Variants in NT5E observed in about 807,000 individuals in gnomAD.
The protein encoded by NT5E is 5'-nucleotidase ecto.
A neutral mutation model predicts 55.1 loss-of-function variants in NT5E; 53 were observed. The observed-to-expected ratio is 0.96, with a 90% confidence interval of 0.77 to 1.21. The LOEUF is 1.21. Ranked by LOEUF, NT5E falls within the 50% of genes most tolerant of loss-of-function variation. The pLI is 0.00. For missense variants in NT5E, 683 were observed against 724.3 expected (o/e 0.94, Z 0.65); for synonymous variants, 270 against 278.4 (o/e 0.97, Z 0.30).
chr6:85,468,371 C>T (rs1195906668), intron 2 of NT5E, among the ~76,000 whole-genome samples: 1 of 152,162 alleles, frequency 6.6e-6, no homozygotes, highest in African/African-American at 2.4e-5. Context: ...CCCAACCCCA[C>T]CCTGGGGTCA....
At chr6:85,484,619 G>C (rs542548624) in intron 3 of NT5E, among the ~76,000 whole-genome samples, 9 of 152,254 alleles carry the variant, frequency 5.9e-5, no homozygotes, top group Non-Finnish European at 5.9e-5. Flanking sequence ...AGCAGCAAAC[G>C]CCAAGAACAG....
At chr6:85,475,661 G>A (rs1386954482) in intron 3 of NT5E, among the ~76,000 whole-genome samples, 2 of 152,170 alleles carry the variant, frequency 1.3e-5, no homozygotes, top group Non-Finnish European at 2.9e-5. Context: ...TACAACAGGG[G>A]ACTCTATTCT....
chr6:85,462,194 C>G (rs1769111273), intron 1 of NT5E, among the ~76,000 whole-genome samples: 1 of 152,064 alleles, frequency 6.6e-6, no homozygotes, highest in African/African-American at 2.4e-5. Context: ...CTGCCAGTCT[C>G]TTCACCACCA....
intron 7 of NT5E, 108 bp downstream of exon 7, chr6:85,490,765 A>AT: frequency 7.8e-7 from 1 of 1,274,432 alleles, no homozygotes; most frequent in Non-Finnish European, 1.1e-6. Context: ...ACTGGTTTGG[A>AT]TTTTTCCCGA....
chr6:85,488,572 T>A (rs182615822), intron 5 of NT5E, among the ~76,000 whole-genome samples: 25 of 152,044 alleles, frequency 1.6e-4, no homozygotes, highest in East Asian at 1.2e-3. Context: ...TATTTATTTA[T>A]TTAATTAATT....
chr6:85,493,808 T>A, intron 8 of NT5E, 33 bp from the exon 9 acceptor site: 1 of 1,574,000 alleles, frequency 6.4e-7, no homozygotes, highest in South Asian at 1.1e-5. Context: ...AATTACCTTT[T>A]CTGTAGTTAA....
At chr6:85,490,696 G>A in intron 7 of NT5E, 39 bp downstream of exon 7, 1 of 1,611,264 alleles carries the variant, frequency 6.2e-7, no homozygotes, top group Non-Finnish European at 8.5e-7. Flanking sequence ...CATCCAAAGT[G>A]ACATGGCATT....
At chr6:85,491,085 G>A (rs1769771768) in intron 7 of NT5E, 2 of 530,216 alleles carry the variant, frequency 3.8e-6, no homozygotes, top group Non-Finnish European at 7.7e-6. Flanking sequence ...TTCCTGGAAG[G>A]AGCAGCCTAC....
chr6:85,467,902 C>T (rs1333432099), intron 2 of NT5E, among the ~76,000 whole-genome samples: 1 of 151,486 alleles, frequency 6.6e-6, no homozygotes, highest in Non-Finnish European at 1.5e-5. Context: ...ACATATATGA[C>T]ACATATACAT....
chr6:85,469,214 G>C (rs1345910988), intron 2 of NT5E, among the ~76,000 whole-genome samples: 1 of 152,124 alleles, frequency 6.6e-6, no homozygotes, highest in Non-Finnish European at 1.5e-5. Context: ...TGTATATATG[G>C]GATGCCTGGT....
intron 5 of NT5E, among the ~76,000 whole-genome samples, chr6:85,488,767 G>T (rs886363385): frequency 6.6e-6 from 1 of 151,676 alleles, no homozygotes; most frequent in Non-Finnish European, 1.5e-5. Flanking sequence ...CTTTAGTAGA[G>T]ACGGGGTTTC....
chr6:85,471,711 T>C (rs1232833771), intron 3 of NT5E: 1 of 158,300 alleles, frequency 6.3e-6, no homozygotes, highest in African/African-American at 2.4e-5. Context: ...ACCATACATA[T>C]GAAAAACAAA....
At chr6:85,490,727 TC>T in intron 7 of NT5E, 70 bp downstream of exon 7, 1 of 1,567,768 alleles carries the variant, frequency 6.4e-7, no homozygotes, top group Non-Finnish European at 8.7e-7. Flanking sequence ...TGGCTCAGCT[TC>T]CCCTTCACCA....
intron 2 of NT5E, among the ~76,000 whole-genome samples, chr6:85,468,496 G>A (rs1412773412): frequency 6.6e-6 from 1 of 152,230 alleles, no homozygotes; most frequent in African/African-American, 2.4e-5. Flanking sequence ...CAGGCTCCAT[G>A]AGGACAGAAA....
chr6:85,467,325 C>A, intron 2 of NT5E, 43 bp downstream of exon 2: 4 of 1,480,104 alleles, frequency 2.7e-6, no homozygotes, highest in African/African-American at 2.8e-5. Context: ...AAAATAGATG[C>A]CCTAAATCAC....
chr6:85,455,490 A>G (rs1768969773), intron 1 of NT5E, among the ~76,000 whole-genome samples: 1 of 152,258 alleles, frequency 6.6e-6, no homozygotes, highest in African/African-American at 2.4e-5. Context: ...GTGCACACCC[A>G]GGTAGGGCAT....
intron 1 of NT5E, among the ~76,000 whole-genome samples, chr6:85,464,768 C>T (rs1769158420): frequency 6.6e-6 from 1 of 152,262 alleles, no homozygotes; most frequent in South Asian, 2.1e-4. Context: ...CACACTAAGG[C>T]AGCAACAATA....
chr6:85,490,415 T>G (rs1349219306), intron 6 of NT5E, 93 bp from the exon 7 acceptor site: 1 of 1,416,106 alleles, frequency 7.1e-7, no homozygotes, highest in Non-Finnish European at 9.9e-7. Context: ...CATGTCCCCC[T>G]CATTTCTTCC....
In NT5E at chr6:85,487,317, T is replaced by C; in HGVS notation, c.950-18T>C. 1.2e-6 allele frequency: 2 copies of C among 1,608,964 alleles called. No homozygotes were observed. Among genetic ancestry groups the C allele is most frequent in the East Asian group, 2.2e-5 (1 of 44,830 alleles). On this transcript the variant is annotated intron_variant, in intron 4 of 8. Coordinates refer to ENST00000257770, the MANE Select transcript of NT5E (RefSeq NM_002526.4). Reference sequence around the variant, plus strand: ...GTGTGAGATTTAATTGTAGGGTACCTTCTTTTCTTTCTTCTAGATCCAAGC... The same window carrying C: ...GTGTGAGATTTAATTGTAGGGTACCCTCTTTTCTTTCTTCTAGATCCAAGC...
Sources: gnomAD v4.1 joint callset for allele counts (sites outside exome capture counted in the v4.1 genomes callset) on GRCh38, gnomAD v4.1.1 for gene constraint, MANE v1.5 for transcripts, NCBI Gene and HGNC (gene_info 2026-07-23, HGNC 2026-07-21) for gene names.